The following HMGB1 variants were observed in gnomAD, a reference collection of about 807,000 sequenced individuals.
HMGB1 encodes high mobility group box 1, also known as high mobility group protein B1.
For synonymous variants in HMGB1, 81 were observed against 84.0 expected (o/e 0.96, Z 0.19); for missense variants, 79 against 253.5 (o/e 0.31, Z 4.67).
At chr13:30,577,862 C>T (rs552015949) in intron 1 of HMGB1, among the ~76,000 whole-genome samples, 17 of 152,320 alleles carry the variant, frequency 1.1e-4, no homozygotes, top group African/African-American at 3.6e-4. Context: ...ACAAGGCTGC[C>T]CACATCATCC....
intron 1 of HMGB1, among the ~76,000 whole-genome samples, chr13:30,524,126 G>T (rs1333348158): frequency 6.6e-6 from 1 of 151,898 alleles, no homozygotes; most frequent in South Asian, 2.1e-4. Flanking sequence ...CTCGTAAGGG[G>T]GAGTTGAACA....
At chr13:30,589,669 C>T (rs984878603) in intron 1 of HMGB1, among the ~76,000 whole-genome samples, 5 of 152,016 alleles carry the variant, frequency 3.3e-5, no homozygotes, top group African/African-American at 1.2e-4. Flanking sequence ...AGGAGTTTGA[C>T]ACCAACCTGG....
intron 4 of HMGB1, 164 bp from the exon 5 acceptor site, chr13:30,461,697 A>T (rs1255249912): frequency 6.4e-7 from 1 of 1,553,122 alleles, no homozygotes; most frequent in Non-Finnish European, 8.8e-7. Context: ...AACTTCAATA[A>T]ATGAACATAA....
At chr13:30,556,280 C>G (rs1869683793) in intron 1 of HMGB1, among the ~76,000 whole-genome samples, 1 of 152,184 alleles carries the variant, frequency 6.6e-6, no homozygotes, top group African/African-American at 2.4e-5. Flanking sequence ...TGGTGAGCAA[C>G]TGTAATCCCA....
At chr13:30,601,991 C>G (rs1005621122) in intron 1 of HMGB1, among the ~76,000 whole-genome samples, 1 of 152,072 alleles carries the variant, frequency 6.6e-6, no homozygotes, top group African/African-American at 2.4e-5. Context: ...TCTGGGGAGA[C>G]TATGAAGGAA....
At chr13:30,534,169 T>G (rs1888560590) in intron 1 of HMGB1, among the ~76,000 whole-genome samples, 1 of 152,178 alleles carries the variant, frequency 6.6e-6, no homozygotes, top group African/African-American at 2.4e-5. Flanking sequence ...TAAGACTATC[T>G]TTATCTCCCT....
chr13:30,541,747 G>A, intron 1 of HMGB1: 1 of 156,582 alleles, frequency 6.4e-6, no homozygotes, highest in Non-Finnish European at 1.4e-5. Context: ...CCCGTGTTGG[G>A]TAGAAGGAAG....
At chr13:30,473,953 G>C (rs913394329) in intron 1 of HMGB1, among the ~76,000 whole-genome samples, 1 of 152,110 alleles carries the variant, frequency 6.6e-6, no homozygotes, top group Admixed American at 6.6e-5. Flanking sequence ...GACATAAGAA[G>C]GCCACATATT....
chr13:30,613,390 T>C (rs189330220), intron 1 of HMGB1, among the ~76,000 whole-genome samples: 1 of 152,282 alleles, frequency 6.6e-6, no homozygotes, highest in East Asian at 1.9e-4. Context: ...AATTCAACCA[T>C]ATATTATTGG....
chr13:30,596,509 C>T (rs529931236), intron 1 of HMGB1, among the ~76,000 whole-genome samples: 5 of 152,246 alleles, frequency 3.3e-5, no homozygotes, highest in African/African-American at 4.8e-5. Flanking sequence ...GAACAACTCA[C>T]GAGAATTAAG....
intron 1 of HMGB1, among the ~76,000 whole-genome samples, chr13:30,471,735 C>G (rs1351615602): frequency 7.5e-6 from 1 of 133,390 alleles, no homozygotes; most frequent in African/African-American, 2.8e-5. Flanking sequence ...GTGGCACCAT[C>G]TCGGCTCACT....
intron 1 of HMGB1, among the ~76,000 whole-genome samples, chr13:30,595,406 A>G (rs1357586541): frequency 6.6e-6 from 1 of 152,192 alleles, no homozygotes; most frequent in Non-Finnish European, 1.5e-5. Context: ...CGACTTCTGT[A>G]AGGCCTACAA....
intron 1 of HMGB1, among the ~76,000 whole-genome samples, chr13:30,495,603 C>T (rs1002711838): frequency 3.3e-5 from 5 of 152,102 alleles, no homozygotes; most frequent in South Asian, 2.1e-4. Flanking sequence ...CTCAGCCTCC[C>T]GAATAGTTGG....
chr13:30,494,824 C>A (rs1887575050), intron 1 of HMGB1, among the ~76,000 whole-genome samples: 1 of 152,178 alleles, frequency 6.6e-6, no homozygotes, highest in Admixed American at 6.5e-5. Flanking sequence ...AACCCCTGTG[C>A]CAACTAACAT....
At chr13:30,480,208 G>T (rs1302803513) in intron 1 of HMGB1, among the ~76,000 whole-genome samples, 2 of 152,186 alleles carry the variant, frequency 1.3e-5, no homozygotes, top group African/African-American at 4.8e-5. Flanking sequence ...CCTTCAAAAT[G>T]TATTGCCTTG....
At chr13:30,590,934 T>C (rs1871340036) in intron 1 of HMGB1, among the ~76,000 whole-genome samples, 1 of 152,134 alleles carries the variant, frequency 6.6e-6, no homozygotes, top group Admixed American at 6.5e-5. Flanking sequence ...GTTTATAAAT[T>C]ATCCAGTGTA....
At chr13:30,469,296 A>G (rs193268291), upstream of HMGB1, among the ~76,000 whole-genome samples, 9 of 152,328 alleles carry the variant, frequency 5.9e-5, no homozygotes, top group Non-Finnish European at 8.8e-5. Context: ...ATCGTCATTA[A>G]TGTACTTTAT....
intron 1 of HMGB1, among the ~76,000 whole-genome samples, chr13:30,484,715 GAGAGAA>G (rs371330162): frequency 2.3e-4 from 35 of 151,818 alleles, no homozygotes; most frequent in African/African-American, 8.2e-4. Flanking sequence ...AAAAAAGAAA[GAGAGAA>G]AGAGAGAGAG....
At chr13:30,514,414 C>T (rs1013956101) in intron 1 of HMGB1, among the ~76,000 whole-genome samples, 3 of 148,642 alleles carry the variant, frequency 2.0e-5, no homozygotes, top group African/African-American at 7.4e-5. Context: ...GACTCAAACT[C>T]CTGGGCTCAA....
Sources: allele counts gnomAD v4.1 joint callset (sites outside exome capture counted in the v4.1 genomes callset), GRCh38; gene constraint gnomAD v4.1.1; transcripts MANE v1.5; gene names NCBI Gene and HGNC (gene_info 2026-07-23, HGNC 2026-07-21).